The following TNFSF4 variants were observed in gnomAD, a reference collection of about 807,000 sequenced individuals.
TNFSF4 encodes the protein tumor necrosis factor ligand superfamily member 4.
In TNFSF4, 4 loss-of-function variants were observed where a neutral mutation model predicts 7.3. The ratio of observed to expected loss-of-function variants is 0.55; its 90% CI spans 0.27 to 1.25. The LOEUF is 1.25. TNFSF4 is among the 50% of genes most tolerant of loss of function. The pLI is 0.12. For synonymous variants in TNFSF4, 76 were observed against 83.7 expected (o/e 0.91, Z 0.50); for missense variants, 181 against 208.8 (o/e 0.87, Z 0.82).
chr1:173,385,206 C>G, the TNFSF4 span, among the ~76,000 whole-genome samples: 3 of 152,148 alleles, frequency 2.0e-5, no homozygotes, highest in Non-Finnish European at 2.9e-5. Context: ...CCTAATTATA[C>G]CAATTATTAT....
the TNFSF4 span, among the ~76,000 whole-genome samples, chr1:173,287,096 T>C: frequency 6.6e-6 from 1 of 152,124 alleles, no homozygotes; most frequent in Non-Finnish European, 1.5e-5. Context: ...GGCAGGAAGA[T>C]TGCTTGAGGC....
the TNFSF4 span, among the ~76,000 whole-genome samples, chr1:173,447,574 T>G: frequency 6.6e-6 from 1 of 152,148 alleles, no homozygotes; most frequent in Non-Finnish European, 1.5e-5. Context: ...TTTTAAAGAT[T>G]TTTTTAAAGA....
At chr1:173,262,053 CTGA>C in the TNFSF4 span, among the ~76,000 whole-genome samples, 2 of 152,174 alleles carry the variant, frequency 1.3e-5, no homozygotes, top group Admixed American at 1.3e-4. Context: ...GCCAATATCC[CTGA>C]TGAACATCGA....
Position 173,185,752 on chromosome 1 carries a change from C to T in TNFSF4, c.*764G>A, listed in dbSNP as rs1251912730. 1 of 152,172 alleles carries T rather than the reference C, an allele frequency of 6.6e-6. No homozygotes were observed. The highest frequency in any genetic ancestry group is 1.5e-5 in the Non-Finnish European group (1 of 68,038). 9.4% of individuals were successfully genotyped at this position (152,172 alleles called of 1,614,324 possible). A position where few individuals can be genotyped will look rare whatever the true frequency, so the allele number is the denominator to read the frequency against. On this transcript the variant is annotated 3_prime_UTR_variant, in exon 3 of 3. Coordinates refer to ENST00000281834, the MANE Select transcript of TNFSF4 (RefSeq NM_003326.5). ...TAACCCTTCACAATAAGTTATCTCA[C>T]TCTCCCTGTATACAAGAAAATCTCT...
the TNFSF4 span, among the ~76,000 whole-genome samples, chr1:173,288,556 A>G: frequency 6.6e-6 from 1 of 152,226 alleles, no homozygotes; most frequent in African/African-American, 2.4e-5. Context: ...TAATTAAAAA[A>G]TACCCTTTTC....
the TNFSF4 span, among the ~76,000 whole-genome samples, chr1:173,248,512 G>GAAAGAA: frequency 1.3e-5 from 2 of 148,448 alleles, no homozygotes; most frequent in Non-Finnish European, 3.0e-5. Context: ...AAGAAAGAAA[G>GAAAGAA]AGAAAGAAGG....
the TNFSF4 span, among the ~76,000 whole-genome samples, chr1:173,447,990 T>A: frequency 6.6e-6 from 1 of 152,098 alleles, no homozygotes; most frequent in Admixed American, 6.5e-5. Flanking sequence ...TATATTAATA[T>A]CAAAGTAGAT....
At chr1:173,209,919 C>G (rs946076211), upstream of TNFSF4, among the ~76,000 whole-genome samples, 2 of 152,076 alleles carry the variant, frequency 1.3e-5, no homozygotes, top group African/African-American at 4.8e-5. Flanking sequence ...TTCCCATAGA[C>G]TATTAACCTC....
chr1:173,174,731 T>C, the TNFSF4 span, among the ~76,000 whole-genome samples: 1 of 152,126 alleles, frequency 6.6e-6, no homozygotes, highest in Non-Finnish European at 1.5e-5. Flanking sequence ...GACTACAAGA[T>C]GAGATTTGGG....
At chr1:173,406,672 C>T in the TNFSF4 span, among the ~76,000 whole-genome samples, 1 of 152,070 alleles carries the variant, frequency 6.6e-6, no homozygotes, top group South Asian at 2.1e-4. Context: ...TGTCGTGGAC[C>T]CTAAAATTAC....
chr1:173,210,005 T>C (rs778244574), upstream of TNFSF4, among the ~76,000 whole-genome samples: 1 of 151,858 alleles, frequency 6.6e-6, no homozygotes, highest in Non-Finnish European at 1.5e-5. Context: ...AGATACCTCA[T>C]GTTCAGAAAG....
chr1:173,331,123 G>A, the TNFSF4 span, among the ~76,000 whole-genome samples: 4 of 152,102 alleles, frequency 2.6e-5, no homozygotes, highest in African/African-American at 9.7e-5. Flanking sequence ...GACCTCAGGT[G>A]ATCCACCCGC....
At chr1:173,209,598 G>A (rs1195461380), upstream of TNFSF4, among the ~76,000 whole-genome samples, 2 of 152,082 alleles carry the variant, frequency 1.3e-5, no homozygotes, top group African/African-American at 4.8e-5. Flanking sequence ...CGGAACTCCT[G>A]GGCTTGAGCG....
At chr1:173,188,739 G>T (rs1571185131) in intron 1 of TNFSF4, among the ~76,000 whole-genome samples, 170 bp from the exon 2 acceptor site, 1 of 152,080 alleles carries the variant, frequency 6.6e-6, no homozygotes, top group African/African-American at 2.4e-5. Flanking sequence ...TTGAGTCAGG[G>T]TCTCACTCTG....
At chr1:173,217,072 T>C in the TNFSF4 span, among the ~76,000 whole-genome samples, 1 of 152,190 alleles carries the variant, frequency 6.6e-6, no homozygotes, top group Admixed American at 6.5e-5. Flanking sequence ...ACCTCCCGTC[T>C]GCTCCGGACT....
the TNFSF4 span, among the ~76,000 whole-genome samples, chr1:173,300,254 G>T: frequency 1.3e-5 from 2 of 151,718 alleles, no homozygotes; most frequent in Non-Finnish European, 2.9e-5. Flanking sequence ...AGAGCAAGCA[G>T]CCCTAGAGTC....
At chr1:173,319,618 A>G in the TNFSF4 span, among the ~76,000 whole-genome samples, 5 of 152,224 alleles carry the variant, frequency 3.3e-5, no homozygotes, top group African/African-American at 1.2e-4. Context: ...TCCATCTGGA[A>G]TCAAGCTGGC....
chr1:173,227,434 G>A, the TNFSF4 span, among the ~76,000 whole-genome samples: 15 of 152,068 alleles, frequency 9.9e-5, no homozygotes, highest in East Asian at 3.9e-4. Context: ...AAATTATCAC[G>A]GTAGGGGCGG....
chr1:173,363,511 A>G, the TNFSF4 span: 2 of 449,980 alleles, frequency 4.4e-6, no homozygotes, highest in Non-Finnish European at 8.8e-6. Flanking sequence ...CAAGCATCAA[A>G]TCTTACCTTT....
Sources: gnomAD v4.1 joint callset for allele counts (sites outside exome capture counted in the v4.1 genomes callset) on GRCh38, gnomAD v4.1.1 for gene constraint, MANE v1.5 for transcripts, NCBI Gene and HGNC (gene_info 2026-07-23, HGNC 2026-07-21) for gene names.